The following ESF1 variants were observed in gnomAD, a reference collection of about 807,000 sequenced individuals.
ESF1 encodes ESF1 nucleolar pre-rRNA processing protein, also known as ESF1 homolog.
In ESF1, 58 loss-of-function variants were observed where a neutral mutation model predicts 92.0. The observed-to-expected ratio is 0.63, with a 90% CI of 0.51 to 0.78. The LOEUF (loss-of-function observed/expected upper bound fraction) is 0.78, where lower values mean the gene tolerates loss of function less well. Ranked by LOEUF, ESF1 falls within the 30% of genes least tolerant of loss-of-function variation. The probability of loss-of-function intolerance (pLI) is 0.00; values close to 1 mark genes in which losing one functional copy is unlikely to be tolerated. For synonymous variants in ESF1, 321 were observed against 313.7 expected, an observed-to-expected ratio of 1.02 and a Z score of -0.24; for missense variants, 922 against 989.1, an observed-to-expected ratio of 0.93 and a Z score of 0.91.
At chr20:13,728,878 T>A (rs1030668251) in intron 10 of ESF1, among the ~76,000 whole-genome samples, 14 of 145,040 alleles carry the variant, frequency 9.7e-5, no homozygotes, top group African/African-American at 3.1e-4. Context: ...AAAAAAAAAA[T>A]AATTAAAAGA....
chr20:13,748,586 A>ATTTT (rs1978430884), intron 9 of ESF1, among the ~76,000 whole-genome samples: 1 of 85,792 alleles, frequency 1.2e-5, no homozygotes, highest in Non-Finnish European at 2.2e-5. Context: ...ATATATATAT[A>ATTTT]TATATATTTT....
At chr20:13,731,425 G>T (rs1020022143) in intron 10 of ESF1, among the ~76,000 whole-genome samples, 1 of 151,750 alleles carries the variant, frequency 6.6e-6, no homozygotes, top group East Asian at 1.9e-4. Flanking sequence ...CCAGCTACTC[G>T]GGAGGCTGAG....
chr20:13,737,678 G>C (rs533491471), intron 9 of ESF1, among the ~76,000 whole-genome samples: 1 of 151,874 alleles, frequency 6.6e-6, no homozygotes, highest in Non-Finnish European at 1.5e-5. Flanking sequence ...TTTTGAGACA[G>C]AGTCTTGCTC....
intron 1 of ESF1, 120 bp from the exon 2 acceptor site, chr20:13,783,303 G>A (rs1316710235): frequency 1.2e-6 from 1 of 810,828 alleles, no homozygotes; most frequent in Admixed American, 3.1e-5. Context: ...ACATAAAATA[G>A]AGGTAACAAG....
At chr20:13,760,194 G>C (rs1188437921) in intron 8 of ESF1, among the ~76,000 whole-genome samples, 1 of 152,222 alleles carries the variant, frequency 6.6e-6, no homozygotes, top group South Asian at 2.1e-4. Flanking sequence ...GGGAAGTGAG[G>C]AGCGTCTCTG....
At chr20:13,770,745 A>C (rs1419151835) in intron 6 of ESF1, among the ~76,000 whole-genome samples, 1 of 152,212 alleles carries the variant, frequency 6.6e-6, no homozygotes, top group Non-Finnish European at 1.5e-5. Flanking sequence ...AAACAAGGGA[A>C]AGCTTAAGGT....
intron 9 of ESF1, among the ~76,000 whole-genome samples, chr20:13,740,723 T>C (rs1053787821): frequency 1.3e-5 from 2 of 152,208 alleles, no homozygotes; most frequent in Admixed American, 1.3e-4. Flanking sequence ...AGTGCAACTC[T>C]AGAACACCTA....
At chr20:13,773,847 G>A (rs960249123) in intron 4 of ESF1, among the ~76,000 whole-genome samples, 5 of 152,144 alleles carry the variant, frequency 3.3e-5, no homozygotes, top group Non-Finnish European at 5.9e-5. Context: ...TGTAATCCCA[G>A]CACTTTGGGA....
intron 9 of ESF1, among the ~76,000 whole-genome samples, chr20:13,744,929 AC>A (rs2050038252): frequency 6.6e-6 from 1 of 152,170 alleles, no homozygotes; most frequent in African/African-American, 2.4e-5. Context: ...CAGGCCACAC[AC>A]AATAGACTGC....
chr20:13,777,217 T>C (rs1403228639), intron 2 of ESF1, among the ~76,000 whole-genome samples: 1 of 152,198 alleles, frequency 6.6e-6, no homozygotes, highest in Admixed American at 6.5e-5. Context: ...TGCAGAGATG[T>C]ACATGGATTT....
intron 8 of ESF1, among the ~76,000 whole-genome samples, chr20:13,763,246 A>T (rs996628548): frequency 1.1e-4 from 17 of 152,224 alleles, no homozygotes; most frequent in Admixed American, 2.0e-4. Flanking sequence ...GTATTATTAG[A>T]TCCTCATTTC....
chr20:13,760,757 G>A (rs915665739), intron 8 of ESF1, among the ~76,000 whole-genome samples: 3 of 148,210 alleles, frequency 2.0e-5, no homozygotes, highest in African/African-American at 5.0e-5. Flanking sequence ...GGAGGGAGGT[G>A]GGGGGGTCAG....
Position 13,771,492 on chromosome 20 carries a change from G to A in ESF1, c.1251-9C>T. The stretch of plus-strand genomic sequence containing the variant: ...ATTTTTCTCTAGACGTCCTAAAGTG[G>A]GAAAAACTTATTAAGCATACTTATA... On this transcript the variant is annotated splice_polypyrimidine_tract_variant and intron_variant, in intron 5 of 13. Transcript: ENST00000617257. 2 of 1,603,780 alleles carry A rather than the reference G, an allele frequency of 1.2e-6. No homozygotes were observed. Among genetic ancestry groups the A allele is most frequent in the Non-Finnish European group, 1.7e-6 (2 of 1,175,156 alleles).
chr20:13,731,086 A>C lies in ESF1; in HGVS notation c.1951-2621T>G, dbSNP rs528894166. 2.0e-5 allele frequency among the ~76,000 whole-genome samples: 3 copies of C among 152,270 alleles called. No homozygotes were observed. In the East Asian group the frequency reaches 5.8e-4, roughly 29 times the overall value. Reference sequence around the variant, plus strand: ...GTATTTTGAATGCTGCTGACCAACGAGTCCAGACTTAGCCCAAATGAATGG... The same window carrying C: ...GTATTTTGAATGCTGCTGACCAACGCGTCCAGACTTAGCCCAAATGAATGG... On this transcript the variant is annotated intron_variant, in intron 10 of 13. Transcript: ENST00000617257.
At chr20:13,723,036 A>G (rs1244104118) in intron 11 of ESF1, among the ~76,000 whole-genome samples, 3 of 152,192 alleles carry the variant, frequency 2.0e-5, no homozygotes, top group Non-Finnish European at 4.4e-5. Context: ...AATGTAACAG[A>G]ATACATCCAT....
At chr20:13,757,645 C>T (rs968827864) in intron 9 of ESF1, among the ~76,000 whole-genome samples, 3 of 152,138 alleles carry the variant, frequency 2.0e-5, no homozygotes, top group African/African-American at 4.8e-5. Flanking sequence ...CTCAAGTAAT[C>T]CACCCACCTT....
chr20:13,760,160 G>A (rs1469186655), intron 8 of ESF1, among the ~76,000 whole-genome samples: 4 of 152,250 alleles, frequency 2.6e-5, no homozygotes, highest in African/African-American at 7.2e-5. Flanking sequence ...GCAAGATAAT[G>A]AAGATGGCAT....
intron 9 of ESF1, among the ~76,000 whole-genome samples, chr20:13,734,324 T>C (rs945571875): frequency 2.6e-5 from 4 of 152,190 alleles, no homozygotes; most frequent in African/African-American, 9.6e-5. Flanking sequence ...ACTACAGGTT[T>C]TGAACAAAAA....
chr20:13,735,124 TC>T (rs1017473638), intron 9 of ESF1, among the ~76,000 whole-genome samples: 12 of 151,806 alleles, frequency 7.9e-5, no homozygotes, highest in Non-Finnish European at 1.6e-4. Context: ...TGCACTGATT[TC>T]CCCCCCTCAA....
Sources: gnomAD v4.1 joint callset for allele counts (sites outside exome capture counted in the v4.1 genomes callset) on GRCh38, gnomAD v4.1.1 for gene constraint, MANE v1.5 for transcripts, NCBI Gene and HGNC (gene_info 2026-07-23, HGNC 2026-07-21) for gene names.